Variants in DCDC1 observed in about 807,000 individuals in gnomAD.
DCDC1 encodes the protein doublecortin domain-containing protein 1.
A neutral mutation model predicts 178.3 loss-of-function variants in DCDC1; 200 were observed. The ratio of observed to expected loss-of-function variants is 1.12; its 90% CI spans 1.00 to 1.26. The LOEUF (loss-of-function observed/expected upper bound fraction) is 1.26, where lower values mean the gene tolerates loss of function less well. Among genes scored for constraint, DCDC1 ranks in the 50% most tolerant of loss-of-function variants. The probability of loss-of-function intolerance (pLI) is 0.00; values close to 1 mark genes in which losing one functional copy is unlikely to be tolerated. For missense variants in DCDC1, 1,983 were observed against 1,749.2 expected, an observed-to-expected ratio of 1.13 and a Z score of -2.38; for synonymous variants, 690 against 604.8, an observed-to-expected ratio of 1.14 and a Z score of -2.07.
At chr11:31,159,124 T>C (rs1252309842) in intron 9 of DCDC1, among the ~76,000 whole-genome samples, 1 of 152,160 alleles carries the variant, frequency 6.6e-6, no homozygotes, top group Non-Finnish European at 1.5e-5. Flanking sequence ...AAAAATCTCA[T>C]TATAAACTAC....
In DCDC1 at chr11:30,911,311, G is replaced by A. The variant is rs1945431697; in HGVS notation, c.3747+16C>T. 12 of 1,581,250 alleles carry A rather than the reference G, an allele frequency of 7.6e-6. No individual in the cohort carries two copies. The highest frequency in any genetic ancestry group is 9.5e-6 in the Non-Finnish European group (11 of 1,160,292). On this transcript the variant is annotated intron_variant, in intron 28 of 38. Coordinates refer to ENST00000684477, the MANE Select transcript of DCDC1 (RefSeq NM_001387274.1). ...ATTAAAAGGCCATGACTAATCTTTA[G>A]CCATACATATCTTACCTGAACAATA...
intron 7 of DCDC1, among the ~76,000 whole-genome samples, chr11:31,283,004 T>C (rs1180398856): frequency 2.6e-5 from 4 of 152,204 alleles, no homozygotes. Flanking sequence ...TCTGGTTGCT[T>C]TTAAGCTTTT....
At chr11:31,174,406 A>G (rs1170651201) in intron 9 of DCDC1, among the ~76,000 whole-genome samples, 1 of 152,176 alleles carries the variant, frequency 6.6e-6, no homozygotes, top group Non-Finnish European at 1.5e-5. Context: ...TTGGGCACCA[A>G]CCAGCACAAG....
intron 28 of DCDC1, among the ~76,000 whole-genome samples, chr11:30,910,310 G>A (rs958936813): frequency 6.6e-6 from 1 of 152,148 alleles, no homozygotes; most frequent in Admixed American, 6.5e-5. Context: ...TACTAAAACT[G>A]TATGTGTATG....
intron 23 of DCDC1, among the ~76,000 whole-genome samples, chr11:30,923,853 G>A (rs1328110300): frequency 3.3e-5 from 5 of 152,016 alleles, no homozygotes; most frequent in African/African-American, 9.7e-5. Context: ...TTAAGCTCAG[G>A]TGATCCACCC....
At chr11:31,000,816 CTTAT>C (rs1390255371) in intron 20 of DCDC1, among the ~76,000 whole-genome samples, 1 of 151,380 alleles carries the variant, frequency 6.6e-6, no homozygotes, top group Non-Finnish European at 1.5e-5. Context: ...TTTTTTGCTA[CTTAT>C]TTATTTTTGA....
At chr11:30,892,649 A>G (rs188215210) in intron 36 of DCDC1, among the ~76,000 whole-genome samples, 169 bp downstream of exon 36, 2 of 152,296 alleles carry the variant, frequency 1.3e-5, no homozygotes, top group East Asian at 3.9e-4. Flanking sequence ...TTTCACACAT[A>G]TAAGTTCATT....
At chr11:31,103,052 G>A (rs977988238) in intron 14 of DCDC1, among the ~76,000 whole-genome samples, 2 of 152,110 alleles carry the variant, frequency 1.3e-5, no homozygotes, top group Non-Finnish European at 2.9e-5. Context: ...GAATTAAATC[G>A]ATCCTTACCC....
intron 20 of DCDC1, among the ~76,000 whole-genome samples, chr11:30,972,102 G>T (rs953507784): frequency 1.3e-5 from 2 of 152,138 alleles, no homozygotes; most frequent in African/African-American, 4.8e-5. Flanking sequence ...TCCAGCAAGA[G>T]ATTTAGACAT....
chr11:31,074,964 TA>T (rs1336139154), intron 18 of DCDC1, among the ~76,000 whole-genome samples: 86 of 152,332 alleles, frequency 5.6e-4, no homozygotes, highest in African/African-American at 2.0e-3. Context: ...ATGGCTATAT[TA>T]CATAGTGGTG....
rs1959122797 is a variant in DCDC1 at position 31,110,279 on chromosome 11, G to A, written c.1568C>T (p.Thr523Ile). Residue 523 changes from threonine to isoleucine, a missense_variant, in exon 12 of 39, where the codon ACT becomes ATT. Thr to Ile is a moderately conservative substitution (Grantham distance 89). Transcript: ENST00000684477. ...ACTCACTCTTTCCATCATATGGTCA[G>A]TTTGAATTGGGCTATCCGATCCCAA... ...KDLGSDSPIQ[T>I]DHMMERLLLK... The A allele has an allele frequency of 1.4e-6, 1 of 716,196 alleles. No homozygotes were observed. The highest frequency in any genetic ancestry group is 1.7e-5 in the African/African-American group (1 of 58,272). 44.4% of individuals were successfully genotyped at this position (716,196 alleles called of 1,614,324 possible). A position where few individuals can be genotyped will look rare whatever the true frequency, so the allele number is the denominator to read the frequency against.
chr11:30,905,690 A>T (rs964713819), intron 30 of DCDC1, among the ~76,000 whole-genome samples: 1 of 152,194 alleles, frequency 6.6e-6, no homozygotes, highest in African/African-American at 2.4e-5. Flanking sequence ...GAAATTCTGT[A>T]GCACTGGGGA....
At chr11:31,157,096 C>T (rs1288087220) in intron 9 of DCDC1, among the ~76,000 whole-genome samples, 1 of 151,740 alleles carries the variant, frequency 6.6e-6, no homozygotes, top group African/African-American at 2.4e-5. Context: ...AGTGTTGTAA[C>T]CGGCCAGGTG....
intron 9 of DCDC1, among the ~76,000 whole-genome samples, chr11:31,222,384 C>A (rs182969553): frequency 4.4e-4 from 67 of 152,190 alleles, no homozygotes; most frequent in African/African-American, 1.4e-3. Flanking sequence ...CTAATAACAT[C>A]TTGCTTATTT....
chr11:31,356,120 G>T (rs890783238), intron 1 of DCDC1, among the ~76,000 whole-genome samples: 3 of 152,044 alleles, frequency 2.0e-5, no homozygotes, highest in Non-Finnish European at 4.4e-5. Flanking sequence ...GTATAAAAAA[G>T]CTATGCCAGA....
chr11:30,870,351 G>A (rs1052293759), intron 38 of DCDC1, among the ~76,000 whole-genome samples: 25 of 152,114 alleles, frequency 1.6e-4, no homozygotes, highest in African/African-American at 6.0e-4. Flanking sequence ...ACTGCTCCAT[G>A]GGTGTCCTAG....
intron 20 of DCDC1, among the ~76,000 whole-genome samples, chr11:30,974,909 A>T (rs1436913246): frequency 6.6e-6 from 1 of 152,282 alleles, no homozygotes; most frequent in South Asian, 2.1e-4. Flanking sequence ...CCAGACAAGG[A>T]TGCAACAACA....
rs558203716 is a variant in DCDC1, at chr11:30,902,029, G to A, written c.4510+1453C>T. Among the ~76,000 whole-genome samples, 44 of 151,980 alleles carry A rather than the reference G, an allele frequency of 2.9e-4. No homozygotes were observed. In the Middle Eastern group the frequency reaches 0.01, roughly 35 times the overall value. On this transcript the variant is annotated intron_variant, in intron 32 of 38. Coordinates refer to ENST00000684477, the MANE Select transcript of DCDC1 (RefSeq NM_001387274.1). ...ATGAATATATTAATAATGATCAAACGAATACAGATATTGAATATATATACA... is the reference window on the plus strand; with the variant it reads ...ATGAATATATTAATAATGATCAAACAAATACAGATATTGAATATATATACA...
chr11:31,286,340 T>C (rs1270816939), intron 7 of DCDC1, among the ~76,000 whole-genome samples: 1 of 152,102 alleles, frequency 6.6e-6, no homozygotes, highest in Non-Finnish European at 1.5e-5. Flanking sequence ...AAAAGTATTC[T>C]GTTCTCTTTG....
Sources: gnomAD v4.1 joint callset for allele counts (sites outside exome capture counted in the v4.1 genomes callset) on GRCh38, gnomAD v4.1.1 for gene constraint, MANE v1.5 for transcripts, NCBI Gene and HGNC (gene_info 2026-07-23, HGNC 2026-07-21) for gene names.